MGST1: variants seen among roughly 807,000 people sequenced by gnomAD.
The protein encoded by MGST1 is glutathione S-transferase 12.
In MGST1, 5 loss-of-function variants were observed where a neutral mutation model predicts 8.9. That is an observed-to-expected ratio of 0.56 (90% CI 0.29 to 1.19). The LOEUF is 1.19. Ranked by LOEUF, MGST1 falls within the 50% of genes most tolerant of loss-of-function variation. MGST1 has a pLI of 0.08. For missense variants in MGST1, 182 were observed against 187.4 expected (o/e 0.97, Z 0.17); for synonymous variants, 54 against 67.8 (o/e 0.80, Z 1.00).
chr12:16,550,089 T>C (rs952357196), intron 4 of MGST1: 1 of 152,058 alleles, frequency 6.6e-6, no homozygotes, highest in African/African-American at 2.4e-5. Context: ...GTTTCTCTTC[T>C]TCTAGAAGAT....
chr12:16,448,366 A>G (rs981958914), intron 4 of MGST1, among the ~76,000 whole-genome samples: 3 of 151,856 alleles, frequency 2.0e-5, no homozygotes, highest in Non-Finnish European at 4.4e-5. Context: ...CAGCCTAACT[A>G]CTTAAAACAT....
intron 4 of MGST1, among the ~76,000 whole-genome samples, chr12:16,485,426 T>C (rs969228678): frequency 5.3e-5 from 8 of 152,212 alleles, no homozygotes; most frequent in Non-Finnish European, 8.8e-5. Context: ...CCGTTACACA[T>C]GGCTCAGTAA....
chr12:16,460,363 G>A (rs1376361363), intron 4 of MGST1, among the ~76,000 whole-genome samples: 2 of 152,128 alleles, frequency 1.3e-5, no homozygotes, highest in Non-Finnish European at 2.9e-5. Context: ...CTTGTGGCTG[G>A]TGGGAGGGTT....
At chr12:16,348,505 C>T (rs1939301806) in intron 1 of MGST1, among the ~76,000 whole-genome samples, 1 of 152,158 alleles carries the variant, frequency 6.6e-6, no homozygotes, top group Non-Finnish European at 1.5e-5. Flanking sequence ...TCTAGTCTCT[C>T]TGCTTCTCTT....
chr12:16,576,332 A>G lies in MGST1; in HGVS notation n.483-13196A>G, dbSNP rs909617050. 8.5e-5 allele frequency among the ~76,000 whole-genome samples: 13 copies of G among 152,150 alleles called. No homozygotes were observed. The highest frequency in any genetic ancestry group is 4.1e-4 in the South Asian group (2 of 4,820). ...ATCCCATCACTGAGCCTCAGCCCCA[A>G]TGTGCTGTCTACTCCCTGGACTCAG... On this transcript the variant is annotated intron_variant and non_coding_transcript_variant, in intron 4 of 4. Transcript: ENST00000538857. The surrounding 1 kb of genome is among the most constrained non-coding windows in gnomAD (Gnocchi z 4.1).
chr12:16,471,554 A>G (rs1424775632), intron 4 of MGST1, among the ~76,000 whole-genome samples: 2 of 152,168 alleles, frequency 1.3e-5, no homozygotes, highest in Admixed American at 1.3e-4. Context: ...TATGAGAAAG[A>G]TATGGGGAAA....
At chr12:16,558,694 TTACATTATAAGG>T (rs1403184512) in intron 4 of MGST1, among the ~76,000 whole-genome samples, 1 of 152,128 alleles carries the variant, frequency 6.6e-6, no homozygotes, top group Non-Finnish European at 1.5e-5. Flanking sequence ...TGGGTAACTA[TTACATTATAAGG>T]TACATTAGGC....
In MGST1 at chr12:16,422,251, G is replaced by T. The variant is rs549489326; in HGVS notation, n.779-15137G>T. ...CATCTATTCTCTATAGTGTGTATAT[G>T]AATCTATCCATCTATCTATATATAT... On this transcript the variant is annotated intron_variant and non_coding_transcript_variant, in intron 1 of 1. Transcript: ENST00000359720. 2.0e-4 allele frequency among the ~76,000 whole-genome samples: 31 copies of T among 152,188 alleles called. No individual in the cohort carries two copies. In the South Asian group the frequency reaches 6.4e-3, roughly 32 times the overall value.
Position 16,517,453 on chromosome 12 carries a change from C to A in MGST1, n.483-72075C>A, listed in dbSNP as rs571231731. On this transcript the variant is annotated intron_variant and non_coding_transcript_variant, in intron 4 of 4. Transcript: ENST00000538857. The surrounding 1 kb of genome is among the most constrained non-coding windows in gnomAD (Gnocchi z 4.2). ...CCTGCCTTCTGACACAGCAAGAAGGCCTGTACTAGATGAGGATCCTTGATC... is the reference window on the plus strand; with the variant it reads ...CCTGCCTTCTGACACAGCAAGAAGGACTGTACTAGATGAGGATCCTTGATC... 6.6e-6 allele frequency among the ~76,000 whole-genome samples: 1 copy of A among 152,244 alleles called. No individual in the cohort carries two copies. Among genetic ancestry groups the A allele is most frequent in the African/African-American group, 2.4e-5 (1 of 41,536 alleles).
chr12:16,406,154 T>C (rs777139398), intron 1 of MGST1, among the ~76,000 whole-genome samples: 52 of 152,238 alleles, frequency 3.4e-4, no homozygotes, highest in Middle Eastern at 6.8e-3. Flanking sequence ...TAATTCTATA[T>C]CTAGAAAACC....
chr12:16,574,039 G>A (rs1250080308), intron 4 of MGST1: 1 of 151,886 alleles, frequency 6.6e-6, no homozygotes, highest in Non-Finnish European at 1.5e-5. Flanking sequence ...CCGCTTCCCC[G>A]AAGTAACAAA....
At chr12:16,376,834 AGAT>A (rs1292043480) in exon 4 of MGST1, 1 of 152,164 alleles carries the variant, frequency 6.6e-6, no homozygotes, top group African/African-American at 2.4e-5. Flanking sequence ...TCTGTATATT[AGAT>A]GATATTATAT....
At chr12:16,371,766 C>T (rs1244765461) in intron 3 of MGST1, among the ~76,000 whole-genome samples, 1 of 151,966 alleles carries the variant, frequency 6.6e-6, no homozygotes, top group African/African-American at 2.4e-5. Context: ...TTTATAAGTA[C>T]CTATGTAACA....
At chr12:16,419,227 GCT>G (rs1940812467) in intron 1 of MGST1, among the ~76,000 whole-genome samples, 1 of 152,122 alleles carries the variant, frequency 6.6e-6, no homozygotes, top group Non-Finnish European at 1.5e-5. Context: ...TTTTCCAAAT[GCT>G]CTGTTCTTGC....
chr12:16,485,431 C>T (rs953204429), intron 4 of MGST1, among the ~76,000 whole-genome samples: 1 of 152,064 alleles, frequency 6.6e-6, no homozygotes, highest in African/African-American at 2.4e-5. Flanking sequence ...ACACATGGCT[C>T]AGTAATAATT....
downstream of MGST1, among the ~76,000 whole-genome samples, chr12:16,439,077 A>C (rs1297261706): frequency 1.3e-5 from 2 of 151,242 alleles, no homozygotes; most frequent in Admixed American, 6.6e-5. Flanking sequence ...CCAACTTCTT[A>C]GTGTAATATA....
rs1943257946 is a variant in MGST1 at position 16,584,538 on chromosome 12, G to C, written n.483-4990G>C. ...AGAAATATACAGAGAATGAGGAAAG[G>C]AATGGAAACAAGAGACGTTTTAGAT... On this transcript the variant is annotated intron_variant and non_coding_transcript_variant, in intron 4 of 4. Transcript: ENST00000538857. The surrounding 1 kb of genome is among the most constrained non-coding windows in gnomAD (Gnocchi z 5.2). 6.6e-6 allele frequency among the ~76,000 whole-genome samples: 1 copy of C among 152,092 alleles called. No homozygotes were observed. The highest frequency in any genetic ancestry group is 2.4e-5 in the African/African-American group (1 of 41,404).
chr12:16,446,972 C>T (rs1332485564), intron 4 of MGST1, among the ~76,000 whole-genome samples: 2 of 151,906 alleles, frequency 1.3e-5, no homozygotes, highest in Non-Finnish European at 2.9e-5. Context: ...GGTCTTCTGT[C>T]CTCACATCAT....
intron 4 of MGST1, among the ~76,000 whole-genome samples, chr12:16,520,634 A>G (rs567656768): frequency 1.2e-4 from 18 of 152,092 alleles, no homozygotes; most frequent in Non-Finnish European, 2.2e-4. Flanking sequence ...AGAAGTGTCC[A>G]TGTCTGTCTC....
Sources: allele counts gnomAD v4.1 joint callset (sites outside exome capture counted in the v4.1 genomes callset), GRCh38; gene constraint gnomAD v4.1.1; non-coding constraint Gnocchi (gnomAD v3.1); transcripts MANE v1.5; gene names NCBI Gene and HGNC (gene_info 2026-07-23, HGNC 2026-07-21).